The following ZNF804B variants were observed in gnomAD, a reference collection of about 807,000 sequenced individuals.
ZNF804B encodes the protein zinc finger protein 804B.
Under a neutral mutation model 101.4 loss-of-function variants are expected in ZNF804B, and 80 were observed. The observed-to-expected ratio is 0.79, with a 90% confidence interval of 0.66 to 0.95. The LOEUF is 0.95. Among genes scored for constraint, ZNF804B ranks in the 40% least tolerant of loss-of-function variants. ZNF804B has a pLI of 0.00. For synonymous variants in ZNF804B, 622 were observed against 558.8 expected, an observed-to-expected ratio of 1.11 and a Z score of -1.59; for missense variants, 1,673 against 1,561.9, an observed-to-expected ratio of 1.07 and a Z score of -1.20.
At chr7:89,117,743 T>C (rs569436855) in intron 1 of ZNF804B, among the ~76,000 whole-genome samples, 174 of 152,336 alleles carry the variant, frequency 1.1e-3, no homozygotes, top group African/African-American at 3.9e-3. Context: ...TCATTACATA[T>C]GTAACTATTG....
At chr7:88,875,216 C>T (rs1050467173) in intron 1 of ZNF804B, among the ~76,000 whole-genome samples, 135 of 146,734 alleles carry the variant, frequency 9.2e-4, no homozygotes, top group Non-Finnish European at 1.5e-3. Context: ...AGGAAACATC[C>T]AAAATTGACA....
chr7:88,849,445 CAA>C (rs930815102), intron 1 of ZNF804B, among the ~76,000 whole-genome samples: 8 of 151,588 alleles, frequency 5.3e-5, no homozygotes, highest in African/African-American at 1.9e-4. Context: ...TATTGAGTAA[CAA>C]GATATGAATA....
At chr7:89,068,394 C>G (rs1437288837) in intron 1 of ZNF804B, among the ~76,000 whole-genome samples, 2 of 151,874 alleles carry the variant, frequency 1.3e-5, no homozygotes, top group Non-Finnish European at 2.9e-5. Context: ...AACAATGTCT[C>G]ATAAAACCAA....
At chr7:89,321,706 C>G (rs1028240558) in intron 2 of ZNF804B, among the ~76,000 whole-genome samples, 19 of 151,134 alleles carry the variant, frequency 1.3e-4, no homozygotes, top group Non-Finnish European at 2.4e-4. Context: ...TACAGAAATA[C>G]AAACATTGAA....
intron 1 of ZNF804B, among the ~76,000 whole-genome samples, chr7:89,002,078 A>G (rs13236625): frequency 0.52 from 78,301 of 151,230 alleles, 21,124 homozygotes; most frequent in Middle Eastern, 0.64. Context: ...ATATTTAGAT[A>G]TATAAAATGT....
chr7:89,078,911 T>C (rs1789652058), intron 1 of ZNF804B, among the ~76,000 whole-genome samples: 1 of 152,066 alleles, frequency 6.6e-6, no homozygotes, highest in Non-Finnish European at 1.5e-5. Context: ...TTCAGGTAGA[T>C]TAAAGGAGAT....
intron 1 of ZNF804B, among the ~76,000 whole-genome samples, chr7:89,108,644 A>G (rs1000990311): frequency 1.2e-4 from 18 of 151,796 alleles, no homozygotes; most frequent in African/African-American, 3.9e-4. Flanking sequence ...AAGGAAACTG[A>G]TCCTATTGGA....
At position 89,273,321 on chromosome 7, in the gene ZNF804B, C is replaced by A. The variant is rs577540182; in HGVS notation, c.250-54023C>A. Among the ~76,000 whole-genome samples, 5 of 87,048 alleles carry A rather than the reference C, an allele frequency of 5.7e-5. No homozygotes were observed. The East Asian group carries it at 1.2e-3, about 22-fold the overall frequency. 57.1% of individuals were successfully genotyped at this position (87,048 alleles called of 152,430 possible). ...AGCTAAATGAAAGGAAGACAATAAG[C>A]TTTCTTTCTTTCAAAAAAATGGTTT... On this transcript the variant is annotated intron_variant, in intron 2 of 3. Transcript: ENST00000333190.
intron 2 of ZNF804B, among the ~76,000 whole-genome samples, chr7:89,275,400 G>A (rs560929054): frequency 6.6e-6 from 1 of 151,866 alleles, no homozygotes; most frequent in South Asian, 2.1e-4. Flanking sequence ...CTTATGATTG[G>A]GTCAAAACCC....
chr7:89,097,083 G>C (rs969336898), intron 1 of ZNF804B, among the ~76,000 whole-genome samples: 2 of 152,182 alleles, frequency 1.3e-5, no homozygotes, highest in African/African-American at 2.4e-5. Flanking sequence ...CCTGTATTCA[G>C]GTTCATGTTG....
chr7:88,870,849 T>G (rs1360574270), intron 1 of ZNF804B, among the ~76,000 whole-genome samples: 1 of 152,222 alleles, frequency 6.6e-6, no homozygotes, highest in Admixed American at 6.5e-5. Flanking sequence ...ATATTATTTC[T>G]AGGCCTTTAC....
intron 1 of ZNF804B, among the ~76,000 whole-genome samples, chr7:88,883,974 A>G (rs1056946636): frequency 2.6e-5 from 4 of 152,200 alleles, no homozygotes; most frequent in Admixed American, 2.6e-4. Flanking sequence ...CACATTATAG[A>G]TTACAGAAAA....
chr7:89,272,754 G>A (rs964126157), intron 2 of ZNF804B, among the ~76,000 whole-genome samples: 3 of 152,020 alleles, frequency 2.0e-5, no homozygotes, highest in Non-Finnish European at 2.9e-5. Flanking sequence ...AGATTTATAG[G>A]TGGAAAGTTT....
chr7:89,292,878 T>C (rs1454834923), intron 2 of ZNF804B, among the ~76,000 whole-genome samples: 2 of 152,102 alleles, frequency 1.3e-5, no homozygotes, highest in East Asian at 3.9e-4. Flanking sequence ...TCAAAAAACC[T>C]AAAAACTCAG....
At chr7:88,782,995 C>T (rs764975937) in intron 1 of ZNF804B, among the ~76,000 whole-genome samples, 2 of 152,062 alleles carry the variant, frequency 1.3e-5, no homozygotes, top group Non-Finnish European at 2.9e-5. Flanking sequence ...AAAGGCCAAA[C>T]GTGCAAATGT....
chr7:88,916,780 TA>T (rs1792639123), intron 1 of ZNF804B, among the ~76,000 whole-genome samples: 1 of 152,200 alleles, frequency 6.6e-6, no homozygotes, highest in African/African-American at 2.4e-5. Context: ...AGACATATTG[TA>T]ATATAAATCC....
chr7:89,225,509 T>C (rs1432815803), intron 2 of ZNF804B, among the ~76,000 whole-genome samples: 1 of 152,150 alleles, frequency 6.6e-6, no homozygotes, highest in Non-Finnish European at 1.5e-5. Context: ...TTCTGGCACA[T>C]AGTAACATTC....
intron 1 of ZNF804B, among the ~76,000 whole-genome samples, chr7:89,210,114 C>G (rs113857953): frequency 6.6e-6 from 1 of 151,246 alleles, no homozygotes; most frequent in Non-Finnish European, 1.5e-5. Flanking sequence ...TGCCACTGTA[C>G]CCCAGCCTGG....
Position 89,143,599 on chromosome 7 carries a change from A to C in ZNF804B, c.109-74556A>C, listed in dbSNP as rs564557210. ...CTTATTTCTTTAGAGCATTTTCCCC[A>C]AAAACTTTTTTAAGACATAAATGAT... is the stretch of plus-strand genomic sequence containing the variant. On this transcript the variant is annotated intron_variant, in intron 1 of 3. Coordinates refer to ENST00000333190, the MANE Select transcript of ZNF804B (RefSeq NM_181646.5). 6.9e-5 allele frequency among the ~76,000 whole-genome samples: 9 copies of C among 130,638 alleles called. No homozygotes were observed. The South Asian group carries it at 2.3e-3, about 33-fold the overall frequency. 85.7% of individuals were successfully genotyped at this position (130,638 alleles called of 152,430 possible).
Sources: gnomAD v4.1 joint callset for allele counts (sites outside exome capture counted in the v4.1 genomes callset) on GRCh38, gnomAD v4.1.1 for gene constraint, MANE v1.5 for transcripts, NCBI Gene and HGNC (gene_info 2026-07-23, HGNC 2026-07-21) for gene names.